MSRB3: variants seen among roughly 807,000 people sequenced by gnomAD.
The protein encoded by MSRB3 is methionine-R-sulfoxide reductase B3.
MSRB3 carries 13 observed loss-of-function variants against 21.0 expected under a neutral mutation model. That is an observed-to-expected ratio of 0.62 (90% confidence interval 0.40 to 0.98). The LOEUF is 0.98. Ranked by LOEUF, MSRB3 falls within the 50% of genes least tolerant of loss-of-function variation. The probability of loss-of-function intolerance (pLI) is 0.00; values close to 1 mark genes in which losing one functional copy is unlikely to be tolerated. For missense variants in MSRB3, 199 were observed against 230.3 expected (o/e 0.86, Z 0.88); for synonymous variants, 87 against 88.6 (o/e 0.98, Z 0.10).
intron 5 of MSRB3, among the ~76,000 whole-genome samples, chr12:65,408,092 A>T (rs1199081941): frequency 6.6e-6 from 1 of 151,652 alleles, no homozygotes; most frequent in Non-Finnish European, 1.5e-5. Flanking sequence ...TTTGTCTTCT[A>T]GTATGGCTTT....
In MSRB3 at chr12:65,331,303, G is replaced by T. The variant is rs556985233; in HGVS notation, c.263+2700G>T. ...GAGGATTGTGGTAATAAGGGATTGG[G>T]TAGTAAGAAATGAAAAGAAATTCTA... On this transcript the variant is annotated intron_variant, in intron 4 of 6. Transcript: ENST00000308259. Among the ~76,000 whole-genome samples, 119 of 152,262 alleles carry T rather than the reference G, an allele frequency of 7.8e-4. 1 individual carries two copies. Among genetic ancestry groups the T allele is most frequent in the South Asian group, 2.3e-3 (11 of 4,814 alleles).
At position 65,318,590 on chromosome 12, in the gene MSRB3, G is replaced by A. The variant is rs1322011541; in HGVS notation, c.77-8236G>A. ...ACAGGGAACTCCAAGTTTGTCAGAC[G>A]TTTCACATGCAATCAGATAGAATTG... On this transcript the variant is annotated intron_variant, in intron 2 of 6. Coordinates refer to ENST00000308259, the MANE Select transcript of MSRB3 (RefSeq NM_001031679.3). Among the ~76,000 whole-genome samples the A allele has an allele frequency of 3.9e-5, 6 of 152,240 alleles. No homozygotes were observed. In the South Asian group the frequency reaches 1.0e-3, roughly 26 times the overall value.
chr12:65,330,149 TA>T (rs1324685508), intron 4 of MSRB3, among the ~76,000 whole-genome samples: 1 of 152,194 alleles, frequency 6.6e-6, no homozygotes, highest in Non-Finnish European at 1.5e-5. Context: ...TGTGATTCAC[TA>T]AAGTATGGGA....
intron 5 of MSRB3, among the ~76,000 whole-genome samples, chr12:65,430,340 T>G (rs1476559504): frequency 2.6e-5 from 4 of 152,178 alleles, no homozygotes; most frequent in African/African-American, 9.6e-5. Context: ...CTAGACTAAA[T>G]TAAATAAGAG....
At chr12:65,326,628 C>A (rs938767970) in intron 2 of MSRB3, among the ~76,000 whole-genome samples, 198 bp from the exon 3 acceptor site, 1 of 152,170 alleles carries the variant, frequency 6.6e-6, no homozygotes, top group Non-Finnish European at 1.5e-5. Flanking sequence ...CCAGTGGAAT[C>A]ATCTGAATCT....
At chr12:65,435,753 A>G (rs543629753) in intron 5 of MSRB3, among the ~76,000 whole-genome samples, 1 of 151,920 alleles carries the variant, frequency 6.6e-6, no homozygotes, top group Non-Finnish European at 1.5e-5. Flanking sequence ...AGGTCTTGAC[A>G]TTCATTTCTC....
At chr12:65,399,270 C>T (rs1255409983) in intron 5 of MSRB3, among the ~76,000 whole-genome samples, 1 of 152,164 alleles carries the variant, frequency 6.6e-6, no homozygotes, top group African/African-American at 2.4e-5. Context: ...TTTGTGTCCT[C>T]TCTTATTTCC....
chr12:65,421,323 T>C (rs1042974082), intron 5 of MSRB3, among the ~76,000 whole-genome samples: 1 of 152,232 alleles, frequency 6.6e-6, no homozygotes, highest in Non-Finnish European at 1.5e-5. Context: ...TGTTTTTTTC[T>C]TGTACATTTG....
chr12:65,455,513 G>A (rs1883048196), intron 6 of MSRB3, among the ~76,000 whole-genome samples: 1 of 152,064 alleles, frequency 6.6e-6, no homozygotes, highest in Non-Finnish European at 1.5e-5. Context: ...TCTGAGGTAG[G>A]TCCTTTTTTC....
intron 5 of MSRB3, among the ~76,000 whole-genome samples, chr12:65,377,472 G>A (rs1356019936): frequency 6.6e-6 from 1 of 151,766 alleles, no homozygotes; most frequent in African/African-American, 2.4e-5. Flanking sequence ...GCTAATTTTT[G>A]TATTTTCAGT....
At chr12:65,445,055 G>A (rs1882551165) in intron 5 of MSRB3, among the ~76,000 whole-genome samples, 1 of 152,012 alleles carries the variant, frequency 6.6e-6, no homozygotes. Context: ...AGATCCACAA[G>A]AAACTGATTT....
At chr12:65,294,824 T>TTTTTG (rs1386725466) in intron 1 of MSRB3, among the ~76,000 whole-genome samples, 10 of 152,122 alleles carry the variant, frequency 6.6e-5, no homozygotes, top group East Asian at 5.8e-4. Context: ...TCTGTGGGTT[T>TTTTTG]TTTTGTTTTG....
intron 4 of MSRB3, among the ~76,000 whole-genome samples, chr12:65,365,073 T>G (rs1010459330): frequency 2.1e-5 from 1 of 46,790 alleles, no homozygotes; most frequent in Non-Finnish European, 1.0e-4. Context: ...TGTTCTGACA[T>G]GATTTTTTTT....
chr12:65,446,687 T>C (rs1389201830), intron 5 of MSRB3, among the ~76,000 whole-genome samples: 1 of 150,550 alleles, frequency 6.6e-6, no homozygotes, highest in African/African-American at 2.5e-5. Flanking sequence ...AGAATTGGAG[T>C]GGGGTAGGGA....
At chr12:65,292,692 T>C (rs902230526) in intron 1 of MSRB3, among the ~76,000 whole-genome samples, 2 of 152,070 alleles carry the variant, frequency 1.3e-5, no homozygotes, top group Admixed American at 1.3e-4. Context: ...AGCCCAGTTC[T>C]CAATCCTGAG....
chr12:65,312,880 A>C (rs1225259624), intron 2 of MSRB3, among the ~76,000 whole-genome samples: 1 of 152,040 alleles, frequency 6.6e-6, no homozygotes, highest in African/African-American at 2.4e-5. Context: ...AGAGAGTACA[A>C]ATTTATTTGA....
intron 2 of MSRB3, among the ~76,000 whole-genome samples, chr12:65,319,939 T>C (rs533282232): frequency 6.6e-6 from 1 of 152,322 alleles, no homozygotes; most frequent in South Asian, 2.1e-4. Flanking sequence ...AGTGTATTTA[T>C]TCAAACCTTC....
At chr12:65,367,564 G>A (rs1878081202) in intron 4 of MSRB3, among the ~76,000 whole-genome samples, 1 of 152,190 alleles carries the variant, frequency 6.6e-6, no homozygotes, top group Non-Finnish European at 1.5e-5. Context: ...GGTTAATAAG[G>A]CATGGCTATA....
chr12:65,349,769 T>C (rs1163654114), intron 4 of MSRB3, among the ~76,000 whole-genome samples: 1 of 151,136 alleles, frequency 6.6e-6, no homozygotes, highest in Non-Finnish European at 1.5e-5. Flanking sequence ...TGTTTTTTTC[T>C]TGTAAATTTG....
Sources: gnomAD v4.1 joint callset for allele counts (sites outside exome capture counted in the v4.1 genomes callset) on GRCh38, gnomAD v4.1.1 for gene constraint, MANE v1.5 for transcripts, NCBI Gene and HGNC (gene_info 2026-07-23, HGNC 2026-07-21) for gene names.